The following SLC24A2 variants were observed in gnomAD, a reference collection of about 807,000 sequenced individuals.
SLC24A2 encodes the protein sodium/potassium/calcium exchanger 2.
Under a neutral mutation model 62.0 loss-of-function variants are expected in SLC24A2, and 36 were observed. That is an observed-to-expected ratio of 0.58 (90% CI 0.44 to 0.77). The LOEUF is 0.77. Among genes scored for constraint, SLC24A2 ranks in the 30% least tolerant of loss-of-function variants. SLC24A2 has a pLI of 0.00. For synonymous variants in SLC24A2, 358 were observed against 294.0 expected, an observed-to-expected ratio of 1.22 and a Z score of -2.23; for missense variants, 846 against 817.9, an observed-to-expected ratio of 1.03 and a Z score of -0.42.
chr9:19,545,975 T>C (rs933517258), intron 8 of SLC24A2, among the ~76,000 whole-genome samples: 2 of 152,176 alleles, frequency 1.3e-5, no homozygotes, highest in African/African-American at 2.4e-5. Flanking sequence ...TGCAGGTCTG[T>C]TGGAGTTTGC....
chr9:19,959,497 T>A, the SLC24A2 span, among the ~76,000 whole-genome samples: 1 of 152,204 alleles, frequency 6.6e-6, no homozygotes, highest in Non-Finnish European at 1.5e-5. Flanking sequence ...TTTAGCAGTG[T>A]CTATAAATTT....
chr9:20,282,176 G>A, the SLC24A2 span, among the ~76,000 whole-genome samples: 2 of 152,148 alleles, frequency 1.3e-5, no homozygotes, highest in African/African-American at 4.8e-5. Context: ...ACCAGAGGCT[G>A]CAATTAGCCA....
At chr9:20,142,981 C>CATGT in the SLC24A2 span, among the ~76,000 whole-genome samples, 1 of 152,226 alleles carries the variant, frequency 6.6e-6, no homozygotes, top group Non-Finnish European at 1.5e-5. Context: ...TGCATGATCA[C>CATGT]ATGTAAGCTT....
the SLC24A2 span, among the ~76,000 whole-genome samples, chr9:20,076,876 T>C: frequency 8.3e-6 from 1 of 120,490 alleles, no homozygotes; most frequent in Non-Finnish European, 1.8e-5. Flanking sequence ...TATATATATA[T>C]ATATACATAT....
the SLC24A2 span, among the ~76,000 whole-genome samples, chr9:19,914,651 G>C: frequency 1.3e-5 from 2 of 152,192 alleles, no homozygotes; most frequent in East Asian, 3.9e-4. Flanking sequence ...GCATAATCTA[G>C]CCGAGAGTGA....
chr9:19,864,923 T>C, the SLC24A2 span, among the ~76,000 whole-genome samples: 13 of 152,056 alleles, frequency 8.5e-5, no homozygotes, highest in South Asian at 2.1e-4. Context: ...TGATGTGATC[T>C]TATATTTGGA....
the SLC24A2 span, among the ~76,000 whole-genome samples, chr9:20,267,607 G>T: frequency 1.3e-5 from 2 of 152,116 alleles, no homozygotes; most frequent in African/African-American, 4.8e-5. Flanking sequence ...CCTTTTCATG[G>T]GCTCTGATAA....
rs1447253490 is a variant in SLC24A2, at chr9:19,514,365, T to G, written c.*1788A>C. On this transcript the variant is annotated 3_prime_UTR_variant, in exon 11 of 11. Transcript: ENST00000341998. ...GGAACACATATGGTGAAATTTCCCA[T>G]ATGCCATATGTACCAACTTAGACGT... The G allele has an allele frequency of 6.6e-6, 1 of 152,196 alleles. No individual in the cohort carries two copies. The highest frequency in any genetic ancestry group is 2.4e-5 in the African/African-American group (1 of 41,434). 9.4% of individuals were successfully genotyped at this position (152,196 alleles called of 1,614,324 possible).
At chr9:19,986,890 C>T in the SLC24A2 span, among the ~76,000 whole-genome samples, 1 of 152,068 alleles carries the variant, frequency 6.6e-6, no homozygotes, top group Admixed American at 6.6e-5. Context: ...TGTGATTGTA[C>T]TAAATGCCAT....
At chr9:20,233,774 G>A in the SLC24A2 span, among the ~76,000 whole-genome samples, 1 of 152,174 alleles carries the variant, frequency 6.6e-6, no homozygotes, top group South Asian at 2.1e-4. Flanking sequence ...TCATTATGAT[G>A]TTAGCTGGTT....
chr9:19,908,065 C>T, the SLC24A2 span, among the ~76,000 whole-genome samples: 2 of 152,170 alleles, frequency 1.3e-5, no homozygotes, highest in Non-Finnish European at 2.9e-5. Flanking sequence ...GGAGGCATCA[C>T]GTTACCTGAC....
At chr9:19,563,960 C>T (rs891436366) in intron 7 of SLC24A2, among the ~76,000 whole-genome samples, 4 of 151,480 alleles carry the variant, frequency 2.6e-5, no homozygotes, top group African/African-American at 9.7e-5. Context: ...CTCAAGTGAT[C>T]CTCCCACCTC....
At chr9:20,068,602 A>G in the SLC24A2 span, among the ~76,000 whole-genome samples, 1 of 152,118 alleles carries the variant, frequency 6.6e-6, no homozygotes, top group Admixed American at 6.6e-5. Context: ...TGTTTTGGGG[A>G]TGCTTATATT....
At chr9:19,692,010 G>T (rs1451322321) in intron 2 of SLC24A2, among the ~76,000 whole-genome samples, 1 of 152,162 alleles carries the variant, frequency 6.6e-6, no homozygotes, top group African/African-American at 2.4e-5. Context: ...CAAATGTGGA[G>T]CTTTTAACAA....
rs1453139851 is a variant in SLC24A2 at position 19,581,618 on chromosome 9, A to T, written c.1130-4596T>A. Among the ~76,000 whole-genome samples, 5 of 152,306 alleles carry T rather than the reference A, an allele frequency of 3.3e-5. No individual in the cohort carries two copies. The South Asian group carries it at 1.0e-3, about 32-fold the overall frequency. ...AGGGTTGCTATCATTATGGAAGTAG[A>T]TGACAGGAAATTCTTCTCCTAAATT... On this transcript the variant is annotated intron_variant, in intron 5 of 10. Coordinates refer to ENST00000341998, the MANE Select transcript of SLC24A2 (RefSeq NM_020344.4).
rs1181238852 is a variant in SLC24A2 at position 19,509,068 on chromosome 9, T to A, written c.*7085A>T. 2 of 152,142 alleles carry A rather than the reference T, an allele frequency of 1.3e-5. No homozygotes were observed. Among genetic ancestry groups the A allele is most frequent in the Non-Finnish European group, 2.9e-5 (2 of 68,014 alleles). 9.4% of individuals were successfully genotyped at this position (152,142 alleles called of 1,614,324 possible). On this transcript the variant is annotated 3_prime_UTR_variant, in exon 11 of 11. Transcript: ENST00000341998. ...TTTATAAGGGAACTTCTTAGACCCATCCTATATTTATATAAAAGCTCAAAC... is the reference window on the plus strand; with the variant it reads ...TTTATAAGGGAACTTCTTAGACCCAACCTATATTTATATAAAAGCTCAAAC...
chr9:19,996,256 C>G, the SLC24A2 span, among the ~76,000 whole-genome samples: 1 of 152,112 alleles, frequency 6.6e-6, no homozygotes, highest in Non-Finnish European at 1.5e-5. Context: ...CTTTTCTATT[C>G]TGTTTTAGGA....
chr9:20,307,371 C>G, the SLC24A2 span, among the ~76,000 whole-genome samples: 8 of 152,210 alleles, frequency 5.3e-5, no homozygotes, highest in Non-Finnish European at 1.2e-4. Context: ...AACTTCTTCA[C>G]TCTGTGATTA....
At chr9:19,796,433 C>G in the SLC24A2 span, among the ~76,000 whole-genome samples, 1 of 152,226 alleles carries the variant, frequency 6.6e-6, no homozygotes, top group African/African-American at 2.4e-5. Flanking sequence ...CCACATGGTA[C>G]TCATTCTAGG....
Sources: gnomAD v4.1 joint callset for allele counts (sites outside exome capture counted in the v4.1 genomes callset) on GRCh38, gnomAD v4.1.1 for gene constraint, MANE v1.5 for transcripts, NCBI Gene and HGNC (gene_info 2026-07-23, HGNC 2026-07-21) for gene names.